CCNJL: variants seen among roughly 807,000 people sequenced by gnomAD.
CCNJL encodes the protein cyclin-J-like protein.
A neutral mutation model predicts 33.4 loss-of-function variants in CCNJL; 33 were observed. The observed-to-expected ratio is 0.99, with a 90% CI of 0.75 to 1.32. The LOEUF (loss-of-function observed/expected upper bound fraction) is 1.32, where lower values mean the gene tolerates loss of function less well. Among genes scored for constraint, CCNJL ranks in the 40% most tolerant of loss-of-function variants. The pLI is 0.00. For synonymous variants in CCNJL, 227 were observed against 220.9 expected (o/e 1.03, Z -0.24); for missense variants, 512 against 499.7 (o/e 1.02, Z -0.23).
intron 1 of CCNJL, among the ~76,000 whole-genome samples, chr5:160,322,580 T>C (rs1023966727): frequency 2.6e-5 from 4 of 152,234 alleles, no homozygotes; most frequent in Non-Finnish European, 5.9e-5. Flanking sequence ...AAGCCCAAAA[T>C]GATCTCACGA....
At chr5:160,271,343 C>T in intron 3 of CCNJL, among the ~76,000 whole-genome samples, 1 of 152,116 alleles carries the variant, frequency 6.6e-6, no homozygotes, top group Middle Eastern at 3.2e-3. Context: ...ATACAACCCC[C>T]ACTCCCGGAA....
At chr5:160,296,428 C>G (rs867363961) in intron 2 of CCNJL, among the ~76,000 whole-genome samples, 1 of 152,262 alleles carries the variant, frequency 6.6e-6, no homozygotes, top group African/African-American at 2.4e-5. Flanking sequence ...AAATCTTCCA[C>G]GCTTTTTGTT....
intron 3 of CCNJL, among the ~76,000 whole-genome samples, chr5:160,278,258 C>T (rs2113340842): frequency 6.6e-6 from 1 of 152,264 alleles, no homozygotes; most frequent in Middle Eastern, 3.4e-3. Flanking sequence ...CCTCTGCCTC[C>T]CAAGGTGTTG....
chr5:160,285,374 C>G (rs564796822), intron 2 of CCNJL, among the ~76,000 whole-genome samples: 1 of 152,080 alleles, frequency 6.6e-6, no homozygotes, highest in Non-Finnish European at 1.5e-5. Flanking sequence ...TACTTCAGCA[C>G]CCCAGTGTGA....
upstream of CCNJL, among the ~76,000 whole-genome samples, chr5:160,314,739 C>T (rs1373391528): frequency 6.6e-6 from 1 of 152,188 alleles, no homozygotes; most frequent in Non-Finnish European, 1.5e-5. Flanking sequence ...CATTAACACC[C>T]TACGTGCAGA....
At chr5:160,264,172 G>A (rs1761472441) in intron 3 of CCNJL, among the ~76,000 whole-genome samples, 4 of 152,014 alleles carry the variant, frequency 2.6e-5, no homozygotes. Context: ...TGATCTGCCC[G>A]CCCCGGCCTC....
At chr5:160,253,927 G>T in intron 5 of CCNJL, 129 bp from the exon 6 acceptor site, 1 of 655,440 alleles carries the variant, frequency 1.5e-6, no homozygotes, top group Non-Finnish European at 2.5e-6. Context: ...GCCTTACCTG[G>T]CTGTGCTCAC....
chr5:160,269,368 G>A, intron 3 of CCNJL: 1 of 455,638 alleles, frequency 2.2e-6, no homozygotes, highest in Non-Finnish European at 4.4e-6. Context: ...CATCCCACAA[G>A]TGCTTCTGTC....
At chr5:160,338,401 T>A (rs1763708768) in intron 1 of CCNJL, among the ~76,000 whole-genome samples, 1 of 117,732 alleles carries the variant, frequency 8.5e-6, no homozygotes, top group Non-Finnish European at 1.9e-5. Context: ...CCCCCTCAAC[T>A]CCCCCACCCC....
At chr5:160,285,923 G>A (rs1016389959) in intron 2 of CCNJL, among the ~76,000 whole-genome samples, 4 of 152,234 alleles carry the variant, frequency 2.6e-5, no homozygotes, top group Non-Finnish European at 4.4e-5. Flanking sequence ...AGTGCGGGGC[G>A]GCAGCTCCTC....
intron 1 of CCNJL, among the ~76,000 whole-genome samples, chr5:160,337,167 C>A (rs940754328): frequency 4.6e-5 from 6 of 130,486 alleles, no homozygotes; most frequent in Non-Finnish European, 9.9e-5. Context: ...CCATGCCCGG[C>A]AAATTTTTGA....
rs1444660957 is a variant in CCNJL at position 160,320,819 on chromosome 5, TTC to T, written n.207-5316_207-5315del. Among the ~76,000 whole-genome samples, 33 of 111,014 alleles carry T rather than the reference TTC, an allele frequency of 3.0e-4. 1 individual carries two copies. Among genetic ancestry groups the T allele is most frequent in the Non-Finnish European group, 4.6e-4 (24 of 52,470 alleles). The allele number at this position is 111,014 out of a possible 152,430, so 72.8% of individuals were successfully genotyped here. On this transcript the variant is annotated intron_variant and non_coding_transcript_variant, in intron 1 of 7. Coordinates refer to the CCNJL transcript ENST00000377503. ...TTTCTTTCTTTCTTTCTTTCTTTCT[TTC>T]TTTCTTTCTTTCTTTCTTTCTTTCT...
chr5:160,318,557 G>A (rs1763404618), intron 1 of CCNJL, among the ~76,000 whole-genome samples: 1 of 152,188 alleles, frequency 6.6e-6, no homozygotes, highest in Admixed American at 6.5e-5. Context: ...GCTTTCTTAG[G>A]GGTGTTGTGT....
chr5:160,326,228 A>G (rs1254815288), intron 1 of CCNJL, among the ~76,000 whole-genome samples: 2 of 152,038 alleles, frequency 1.3e-5, no homozygotes, highest in Non-Finnish European at 2.9e-5. Context: ...TAATCCAAAC[A>G]CTTTAGGAGG....
At chr5:160,336,921 C>G (rs1185582859) in intron 1 of CCNJL, among the ~76,000 whole-genome samples, 1 of 151,948 alleles carries the variant, frequency 6.6e-6, no homozygotes, top group Non-Finnish European at 1.5e-5. Flanking sequence ...CCTGCAACCA[C>G]TTGGGGCCAA....
intron 5 of CCNJL, 200 bp downstream of exon 5, chr5:160,255,349 A>T (rs2113208586): frequency 2.0e-6 from 1 of 501,188 alleles, no homozygotes; most frequent in Non-Finnish European, 3.6e-6. Context: ...GCAAACCTGA[A>T]GCTATTCAAA....
intron 1 of CCNJL, among the ~76,000 whole-genome samples, chr5:160,336,152 A>G (rs56011542): frequency 0.048 from 7,298 of 152,332 alleles, 270 homozygotes; most frequent in East Asian, 0.15. Context: ...TCTGAACTCC[A>G]GACTCATACA....
At chr5:160,328,890 AG>A (rs1252699297) in intron 1 of CCNJL, among the ~76,000 whole-genome samples, 1 of 151,280 alleles carries the variant, frequency 6.6e-6, no homozygotes, top group Non-Finnish European at 1.5e-5. Context: ...AAAAAAAAAA[AG>A]AAAAAGAAAA....
intron 3 of CCNJL, among the ~76,000 whole-genome samples, chr5:160,263,946 T>C (rs79177959): frequency 1.4e-5 from 2 of 145,244 alleles, no homozygotes; most frequent in Non-Finnish European, 3.0e-5. Flanking sequence ...TCAACCTCTT[T>C]TTTTTTTTTT....
Sources: allele counts gnomAD v4.1 joint callset (sites outside exome capture counted in the v4.1 genomes callset), GRCh38; gene constraint gnomAD v4.1.1; transcripts MANE v1.5; gene names NCBI Gene and HGNC (gene_info 2026-07-23, HGNC 2026-07-21).